Variants in DYNC1I1 observed in about 807,000 individuals in gnomAD.
DYNC1I1 encodes cytoplasmic dynein 1 intermediate chain 1.
A neutral mutation model predicts 86.6 loss-of-function variants in DYNC1I1; 43 were observed. The ratio of observed to expected loss-of-function variants is 0.50; its 90% CI spans 0.39 to 0.64. DYNC1I1 has a LOEUF of 0.64. DYNC1I1 is among the 30% of genes least tolerant of loss of function. The probability of loss-of-function intolerance (pLI) is 0.00; values close to 1 mark genes in which losing one functional copy is unlikely to be tolerated. For synonymous variants in DYNC1I1, 262 were observed against 283.7 expected (o/e 0.92, Z 0.77); for missense variants, 604 against 788.8 (o/e 0.77, Z 2.81).
intron 14 of DYNC1I1, among the ~76,000 whole-genome samples, chr7:96,048,705 T>G (rs747447162): frequency 7.9e-5 from 12 of 152,208 alleles, no homozygotes; most frequent in Non-Finnish European, 1.5e-4. Flanking sequence ...GTTAGAGAAC[T>G]GGGGATCTAG....
chr7:95,995,075 G>A (rs1394078215), intron 9 of DYNC1I1, among the ~76,000 whole-genome samples: 8 of 151,688 alleles, frequency 5.3e-5, no homozygotes, highest in African/African-American at 1.2e-4. Context: ...GTGAAACCCC[G>A]TCTCTACTAA....
At chr7:95,912,348 C>G (rs886616307) in intron 6 of DYNC1I1, among the ~76,000 whole-genome samples, 3 of 152,136 alleles carry the variant, frequency 2.0e-5, no homozygotes, top group African/African-American at 7.2e-5. Context: ...ACTTGAACAT[C>G]TTGATGCTAA....
chr7:95,773,591 A>G (rs1051194797), intron 1 of DYNC1I1, among the ~76,000 whole-genome samples: 3 of 152,126 alleles, frequency 2.0e-5, no homozygotes, highest in Non-Finnish European at 4.4e-5. Context: ...ACTCAACAAC[A>G]TGCAGAAGAT....
At chr7:95,937,861 TCTC>T (rs1792090153) in intron 6 of DYNC1I1, among the ~76,000 whole-genome samples, 1 of 151,794 alleles carries the variant, frequency 6.6e-6, no homozygotes, top group Non-Finnish European at 1.5e-5. Flanking sequence ...TAAACACAGC[TCTC>T]CTCCAGACAC....
At chr7:95,993,601 C>T (rs776357784) in intron 9 of DYNC1I1, among the ~76,000 whole-genome samples, 12 of 152,158 alleles carry the variant, frequency 7.9e-5, no homozygotes, top group Non-Finnish European at 1.3e-4. Flanking sequence ...TTGATTCATC[C>T]GCTGCAGAGT....
At position 95,894,888 on chromosome 7, in the gene DYNC1I1, C is replaced by T. The variant is rs142592626; in HGVS notation, c.490+24890C>T. Among the ~76,000 whole-genome samples, 20 of 152,294 alleles carry T rather than the reference C, an allele frequency of 1.3e-4. No homozygotes were observed. The East Asian group carries it at 3.5e-3, about 27-fold the overall frequency. ...TGAGGCAAAACTTCTTAGCCCAATT[C>T]GTTCAACTTTTGAAGCATTGGTTGT... is the stretch of plus-strand genomic sequence containing the variant. On this transcript the variant is annotated intron_variant, in intron 6 of 16. Transcript: ENST00000447467.
intron 4 of DYNC1I1, among the ~76,000 whole-genome samples, chr7:95,815,051 C>T (rs566248588): frequency 3.9e-5 from 6 of 152,038 alleles, no homozygotes; most frequent in South Asian, 2.1e-4. Flanking sequence ...CATGATGGTG[C>T]GTGTCATTAC....
intron 4 of DYNC1I1, among the ~76,000 whole-genome samples, chr7:95,825,871 TCACC>T (rs1795192523): frequency 6.6e-6 from 1 of 152,198 alleles, no homozygotes; most frequent in African/African-American, 2.4e-5. Context: ...CTTGTAAACA[TCACC>T]TGGAAACTTG....
intron 16 of DYNC1I1, among the ~76,000 whole-genome samples, chr7:96,089,406 G>GA (rs1254657522): frequency 6.6e-6 from 1 of 152,214 alleles, no homozygotes; most frequent in African/African-American, 2.4e-5. Flanking sequence ...AAAATTTGAG[G>GA]AAAAATTAAG....
chr7:95,940,816 G>A (rs564282260), intron 6 of DYNC1I1, among the ~76,000 whole-genome samples: 22 of 152,254 alleles, frequency 1.4e-4, no homozygotes, highest in South Asian at 1.0e-3. Flanking sequence ...GTCATTCTCC[G>A]TCCAGCTTTG....
At chr7:95,936,954 T>TCACACACACACACACA (rs1491214381) in intron 6 of DYNC1I1, among the ~76,000 whole-genome samples, 557 of 32,490 alleles carry the variant, frequency 0.017, 3 homozygotes, top group African/African-American at 0.041. Flanking sequence ...AAAGAATATG[T>TCACACACACACACACA]CTCACACACA....
At chr7:96,019,100 G>A (rs1266769993) in intron 10 of DYNC1I1, among the ~76,000 whole-genome samples, 1 of 152,072 alleles carries the variant, frequency 6.6e-6, no homozygotes, top group Non-Finnish European at 1.5e-5. Flanking sequence ...TATACAACAT[G>A]ATGATTTGTT....
intron 6 of DYNC1I1, among the ~76,000 whole-genome samples, chr7:95,965,481 C>T (rs1792986524): frequency 6.6e-6 from 1 of 152,090 alleles, no homozygotes; most frequent in African/African-American, 2.4e-5. Flanking sequence ...TCAATAATAA[C>T]AAAATGTTTT....
chr7:95,833,758 T>G (rs1788991336), intron 5 of DYNC1I1, among the ~76,000 whole-genome samples: 1 of 137,364 alleles, frequency 7.3e-6, no homozygotes, highest in Non-Finnish European at 1.6e-5. Flanking sequence ...CACTCATGAT[T>G]TGGCTCTCTG....
chr7:95,901,209 G>A (rs371998118), intron 6 of DYNC1I1, among the ~76,000 whole-genome samples: 14 of 152,166 alleles, frequency 9.2e-5, no homozygotes, highest in African/African-American at 3.4e-4. Context: ...ATGCTCTACA[G>A]TCATTGACTA....
Position 96,065,692 on chromosome 7 carries a change from G to A in DYNC1I1, c.1510-10365G>A, listed in dbSNP as rs151063892. Among the ~76,000 whole-genome samples the A allele has an allele frequency of 6.1e-3, 925 of 152,112 alleles. 6 individuals carry two copies. The highest frequency in any genetic ancestry group is 0.02 in the African/African-American group (831 of 41,502). On this transcript the variant is annotated intron_variant, in intron 14 of 16. Transcript: ENST00000447467. Reference sequence around the variant, plus strand: ...CGTGAGCCACCGCGCCGAGCATCCCGGCTCTTTCCTCTCCCACAGCACCTC... The same window carrying A: ...CGTGAGCCACCGCGCCGAGCATCCCAGCTCTTTCCTCTCCCACAGCACCTC...
chr7:96,012,322 G>A (rs969019062), intron 10 of DYNC1I1, among the ~76,000 whole-genome samples: 1 of 152,152 alleles, frequency 6.6e-6, no homozygotes, highest in East Asian at 1.9e-4. Flanking sequence ...TGCTCTGTGC[G>A]TCTCTGCTTC....
chr7:96,031,712 T>C (rs961272548), intron 11 of DYNC1I1, among the ~76,000 whole-genome samples: 5 of 152,208 alleles, frequency 3.3e-5, no homozygotes, highest in African/African-American at 1.2e-4. Context: ...CTAGGTATTA[T>C]GGACAGTAAC....
chr7:96,038,216 T>C (rs1018983278), intron 13 of DYNC1I1, among the ~76,000 whole-genome samples: 5 of 152,228 alleles, frequency 3.3e-5, no homozygotes, highest in African/African-American at 1.2e-4. Flanking sequence ...TTGACATTTA[T>C]TGGTGCTCCA....
Sources: allele counts gnomAD v4.1 joint callset (sites outside exome capture counted in the v4.1 genomes callset), GRCh38; gene constraint gnomAD v4.1.1; transcripts MANE v1.5; gene names NCBI Gene and HGNC (gene_info 2026-07-23, HGNC 2026-07-21).